Variants in PCDH9 observed in about 807,000 individuals in gnomAD.
The protein encoded by PCDH9 is protocadherin 9, also known as protocadherin-9.
PCDH9 carries 24 observed loss-of-function variants against 70.6 expected under a neutral mutation model. That is an observed-to-expected ratio of 0.34 (90% CI 0.25 to 0.48). The LOEUF (loss-of-function observed/expected upper bound fraction) is 0.48, where lower values mean the gene tolerates loss of function less well. Among genes scored for constraint, PCDH9 ranks in the 20% least tolerant of loss-of-function variants. PCDH9 has a pLI of 0.99. For missense variants in PCDH9, 1,281 were observed against 1,503.6 expected (o/e 0.85, Z 2.45); for synonymous variants, 562 against 558.5 (o/e 1.01, Z -0.09).
chr13:66,750,473 A>G (rs1488189114), intron 3 of PCDH9, among the ~76,000 whole-genome samples: 1 of 152,046 alleles, frequency 6.6e-6, no homozygotes, highest in East Asian at 1.9e-4. Flanking sequence ...TAAAATGTGA[A>G]GTGAAACTTC....
At chr13:67,095,391 TA>T (rs1052118516) in intron 2 of PCDH9, among the ~76,000 whole-genome samples, 1 of 152,152 alleles carries the variant, frequency 6.6e-6, no homozygotes, top group African/African-American at 2.4e-5. Context: ...TTATTATTTT[TA>T]AAAAGTAATA....
At chr13:67,037,109 T>C (rs9540978) in intron 2 of PCDH9, among the ~76,000 whole-genome samples, 58,189 of 151,974 alleles carry the variant, frequency 0.38, 11,893 homozygotes, top group East Asian at 0.64. Flanking sequence ...CCTGATTACA[T>C]CCCCTTCAAC....
At chr13:66,582,316 C>G (rs2076903621) in intron 4 of PCDH9, among the ~76,000 whole-genome samples, 1 of 152,100 alleles carries the variant, frequency 6.6e-6, no homozygotes, top group East Asian at 1.9e-4. Flanking sequence ...ATATTTCACT[C>G]ATCTCAAAAA....
chr13:66,783,782 G>C (rs186040456), intron 3 of PCDH9, among the ~76,000 whole-genome samples: 1 of 152,008 alleles, frequency 6.6e-6, no homozygotes, highest in East Asian at 1.9e-4. Flanking sequence ...AACATTATAC[G>C]TCCTCTATTT....
At chr13:66,846,111 A>C (rs1395510199) in intron 3 of PCDH9, among the ~76,000 whole-genome samples, 1 of 141,586 alleles carries the variant, frequency 7.1e-6, no homozygotes, top group Non-Finnish European at 1.5e-5. Flanking sequence ...AAACACACAT[A>C]GATAATGCAG....
chr13:66,714,229 G>A (rs1177137332), intron 3 of PCDH9, among the ~76,000 whole-genome samples: 2 of 152,074 alleles, frequency 1.3e-5, no homozygotes, highest in African/African-American at 4.8e-5. Context: ...ACTTCGGGAG[G>A]CTGAGGTGGG....
chr13:66,547,073 C>G (rs1013211164), intron 4 of PCDH9, among the ~76,000 whole-genome samples: 3 of 152,182 alleles, frequency 2.0e-5, no homozygotes, highest in African/African-American at 7.2e-5. Context: ...AGGACACATA[C>G]TGTAATTACT....
intron 2 of PCDH9, among the ~76,000 whole-genome samples, chr13:66,992,463 C>T (rs918098608): frequency 6.6e-6 from 1 of 152,158 alleles, no homozygotes; most frequent in Non-Finnish European, 1.5e-5. Context: ...TCCATCTAAA[C>T]AATGGTCTTC....
intron 4 of PCDH9, among the ~76,000 whole-genome samples, chr13:66,555,940 A>T (rs932429546): frequency 6.7e-5 from 10 of 148,264 alleles, no homozygotes; most frequent in Non-Finnish European, 1.5e-4. Context: ...ATATATACAT[A>T]TTATATATAT....
intron 4 of PCDH9, among the ~76,000 whole-genome samples, chr13:66,529,707 T>A (rs1361785914): frequency 6.6e-6 from 1 of 152,050 alleles, no homozygotes; most frequent in East Asian, 1.9e-4. Context: ...GTTTTGCCTC[T>A]TGCTTCTTAT....
intron 4 of PCDH9, among the ~76,000 whole-genome samples, chr13:66,342,889 G>A (rs1159701384): frequency 1.3e-5 from 2 of 151,470 alleles, no homozygotes; most frequent in South Asian, 2.1e-4. Context: ...TGGACAATCC[G>A]CCCACCTCAT....
chr13:67,021,923 G>A (rs1594402535), intron 2 of PCDH9, among the ~76,000 whole-genome samples: 1 of 151,386 alleles, frequency 6.6e-6, no homozygotes, highest in East Asian at 1.9e-4. Context: ...TATGTATGTA[G>A]GTGTATATAT....
chr13:66,837,751 C>T (rs1466752497), intron 3 of PCDH9, among the ~76,000 whole-genome samples: 1 of 152,086 alleles, frequency 6.6e-6, no homozygotes, highest in Non-Finnish European at 1.5e-5. Context: ...AAAAAACGAC[C>T]TTTCCAGTCA....
chr13:66,648,573 G>A (rs2077804674), intron 3 of PCDH9, among the ~76,000 whole-genome samples: 1 of 152,126 alleles, frequency 6.6e-6, no homozygotes, highest in Non-Finnish European at 1.5e-5. Context: ...CAACTCCCTT[G>A]GAATACCTGG....
chr13:67,064,913 T>C (rs141900429), intron 2 of PCDH9, among the ~76,000 whole-genome samples: 1 of 150,254 alleles, frequency 6.7e-6, no homozygotes, highest in African/African-American at 2.5e-5. Flanking sequence ...GATAGATAGA[T>C]AGATAGATAG....
intron 2 of PCDH9, among the ~76,000 whole-genome samples, chr13:66,994,969 G>C (rs184974526): frequency 1.1e-3 from 163 of 152,212 alleles, no homozygotes; most frequent in Non-Finnish European, 1.9e-3. Flanking sequence ...TACGGAACAT[G>C]CCTGCAATGA....
intron 3 of PCDH9, among the ~76,000 whole-genome samples, chr13:66,867,940 A>C (rs1272301310): frequency 6.6e-6 from 1 of 151,974 alleles, no homozygotes; most frequent in African/African-American, 2.4e-5. Flanking sequence ...AATTAATTTT[A>C]TTCTGATTAA....
chr13:66,982,563 C>T lies in PCDH9; in HGVS notation c.3037-78958G>A, dbSNP rs919926040. On this transcript the variant is annotated intron_variant, in intron 2 of 4. Transcript: ENST00000377865. ...ATGTGAAAACTGTCTTCAAGCCCTA[C>T]CTACCCCGGGTTCTCCTGGAATGAG... Among the ~76,000 whole-genome samples, 30 of 152,256 alleles carry T rather than the reference C, an allele frequency of 2.0e-4. No individual in the cohort carries two copies. The East Asian group carries it at 5.6e-3, about 28-fold the overall frequency.
intron 3 of PCDH9, among the ~76,000 whole-genome samples, chr13:66,708,150 C>T (rs1053470265): frequency 6.6e-6 from 1 of 150,914 alleles, no homozygotes; most frequent in Non-Finnish European, 1.5e-5. Context: ...CCCGGGTTCA[C>T]GCCATTCTCC....
Sources: allele counts gnomAD v4.1 joint callset (sites outside exome capture counted in the v4.1 genomes callset), GRCh38; gene constraint gnomAD v4.1.1; transcripts MANE v1.5; gene names NCBI Gene and HGNC (gene_info 2026-07-23, HGNC 2026-07-21).